The following BMF variants were observed in gnomAD, a reference collection of about 807,000 sequenced individuals.
The protein encoded by BMF is bcl-2-modifying factor.
BMF carries 10 observed loss-of-function variants against 22.0 expected under a neutral mutation model. The ratio of observed to expected loss-of-function variants is 0.45; its 90% CI spans 0.28 to 0.77. The LOEUF (loss-of-function observed/expected upper bound fraction) is 0.77, where lower values mean the gene tolerates loss of function less well. BMF is among the 30% of genes least tolerant of loss of function. The probability of loss-of-function intolerance (pLI) is 0.13; values close to 1 mark genes in which losing one functional copy is unlikely to be tolerated. For synonymous variants in BMF, 87 were observed against 88.1 expected (o/e 0.99, Z 0.07); for missense variants, 206 against 226.8 (o/e 0.91, Z 0.59).
At chr15:40,092,876 C>T (rs1404724723) in intron 4 of BMF, among the ~76,000 whole-genome samples, 1 of 152,152 alleles carries the variant, frequency 6.6e-6, no homozygotes, top group Non-Finnish European at 1.5e-5. Context: ...GGCCTCTCCA[C>T]AGGGTTCTCA....
chr15:40,101,301 G>T (rs928488975), intron 4 of BMF, among the ~76,000 whole-genome samples: 77 of 152,212 alleles, frequency 5.1e-4, no homozygotes, highest in Non-Finnish European at 8.8e-5. Context: ...TCTACTGTGT[G>T]TCCCAAACTC....
At position 40,104,590 on chromosome 15, in the gene BMF, C is replaced by G. The variant is rs993176928; in HGVS notation, c.293-250G>C. ...TCTCCATTCACTGACAGTGCCATGA[C>G]AAAGGGCAGGTGGTAACGTGTGCAG... On this transcript the variant is annotated intron_variant, in intron 3 of 4. Coordinates refer to ENST00000354670, the MANE Select transcript of BMF (RefSeq NM_001003940.2). Among the ~76,000 whole-genome samples, 10 of 152,194 alleles carry G rather than the reference C, an allele frequency of 6.6e-5. 1 individual carries two copies. The highest frequency in any genetic ancestry group is 6.5e-4 in the Admixed American group (10 of 15,278).
chr15:40,091,849 G>A lies in BMF; in HGVS notation c.493C>T (p.Leu165Phe), dbSNP rs781642966. The A allele has an allele frequency of 2.5e-6, 4 of 1,611,610 alleles. No individual in the cohort carries two copies. The highest frequency in any genetic ancestry group is 1.8e-4 in the Middle Eastern group (1 of 5,628). ...TTCAAAGCAAGGTTGTGCAGGAAGA[G>A]GAGGATCTGCCACCACACACGATTT... ...NQNRVWWQILLFLHNLALNGE... is the reference protein window; with the variant it reads ...NQNRVWWQILFFLHNLALNGE... The change falls in exon 5 of 5, where the codon CTC becomes TTC. Residue 165 changes from leucine to phenylalanine, a missense_variant. Coordinates refer to ENST00000354670, the MANE Select transcript of BMF (RefSeq NM_001003940.2).
intron 4 of BMF, among the ~76,000 whole-genome samples, chr15:40,102,720 G>A (rs2036505077): frequency 6.6e-6 from 1 of 152,220 alleles, no homozygotes; most frequent in South Asian, 2.1e-4. Flanking sequence ...TACCAGGACT[G>A]GAAGCTGTGA....
At chr15:40,104,135 A>G (rs2141047592) in intron 4 of BMF, 45 bp downstream of exon 4, 1 of 1,608,568 alleles carries the variant, frequency 6.2e-7, no homozygotes, top group Admixed American at 1.7e-5. Flanking sequence ...CTGGCCCCCA[A>G]GCCCCAGCAG....
chr15:40,097,277 G>A (rs1236022627), intron 4 of BMF, among the ~76,000 whole-genome samples: 1 of 151,810 alleles, frequency 6.6e-6, no homozygotes, highest in African/African-American at 2.4e-5. Flanking sequence ...GCACCCAACT[G>A]AGCTACCAAG....
chr15:40,100,189 C>T (rs1261831209), intron 4 of BMF, among the ~76,000 whole-genome samples: 2 of 152,212 alleles, frequency 1.3e-5, no homozygotes, highest in Non-Finnish European at 2.9e-5. Context: ...ACAGAAGACT[C>T]TCCCAAGGGG....
chr15:40,104,623 T>TGCCA (rs2036547125), intron 3 of BMF, among the ~76,000 whole-genome samples: 1 of 152,350 alleles, frequency 6.6e-6, no homozygotes, highest in East Asian at 1.9e-4. Context: ...CAGGCGAACA[T>TGCCA]GCCAGCCTTC....
At chr15:40,101,369 T>G (rs1452405109) in intron 4 of BMF, among the ~76,000 whole-genome samples, 1 of 152,190 alleles carries the variant, frequency 6.6e-6, no homozygotes, top group Non-Finnish European at 1.5e-5. Flanking sequence ...TAGCACTAAT[T>G]CATAGAAGAG....
chr15:40,106,151 A>T lies in BMF; in HGVS notation c.-5-60T>A. On this transcript the variant is annotated intron_variant, in intron 2 of 4. Transcript: ENST00000354670. This position sits in a 1 kb window ranked among gnomAD's most constrained non-coding sequence, Gnocchi z 4.1. ...CCCCACCAGGGCCATACCTGGAAGGACTCCCCTTCCCTTCTTCCTACCATA... is the reference window on the plus strand; with the variant it reads ...CCCCACCAGGGCCATACCTGGAAGGTCTCCCCTTCCCTTCTTCCTACCATA... 6.7e-7 allele frequency: 1 copy of T among 1,487,540 alleles called. No individual in the cohort carries two copies. The allele number at this position is 1,487,540 out of a possible 1,614,324, so 92.1% of individuals were successfully genotyped here.
intron 4 of BMF, among the ~76,000 whole-genome samples, chr15:40,100,822 G>C (rs2036460915): frequency 6.6e-6 from 1 of 152,138 alleles, no homozygotes; most frequent in South Asian, 2.1e-4. Flanking sequence ...CCCTCCCTCT[G>C]CTCCATACCT....
chr15:40,107,533 A>AGTGTGTGTGT (rs58296260), intron 2 of BMF, among the ~76,000 whole-genome samples: 1,763 of 137,482 alleles, frequency 0.013, 22 homozygotes, highest in Non-Finnish European at 0.018. Context: ...GTGTTTCCCA[A>AGTGTGTGTGT]GTGTGTGTGT....
intron 4 of BMF, among the ~76,000 whole-genome samples, chr15:40,095,226 C>A (rs1366751806): frequency 6.6e-6 from 1 of 152,148 alleles, no homozygotes; most frequent in African/African-American, 2.4e-5. Flanking sequence ...ATGAGGAAAC[C>A]AAGATAATCA....
At chr15:40,104,629 C>G (rs1272543578) in intron 3 of BMF, among the ~76,000 whole-genome samples, 3 of 152,188 alleles carry the variant, frequency 2.0e-5, no homozygotes, top group South Asian at 2.1e-4. Context: ...AACATGCCAG[C>G]CTTCCGTCCT....
intron 4 of BMF, among the ~76,000 whole-genome samples, chr15:40,093,603 C>A (rs138637215): frequency 2.0e-5 from 3 of 152,198 alleles, no homozygotes; most frequent in Non-Finnish European, 4.4e-5. Flanking sequence ...AGCTGCTGAC[C>A]GAGACAGGTG....
chr15:40,090,867 G>C lies in BMF; in HGVS notation c.*920C>G, dbSNP rs543601333. The C allele has an allele frequency of 3.9e-5, 6 of 152,294 alleles. No individual in the cohort carries two copies. The highest frequency in any genetic ancestry group is 8.8e-5 in the Non-Finnish European group (6 of 68,100). The allele number at this position is 152,294 out of a possible 1,614,324, so 9.4% of individuals were successfully genotyped here. On this transcript the variant is annotated 3_prime_UTR_variant, in exon 5 of 5. Transcript: ENST00000354670. Reference sequence around the variant, plus strand: ...CCGGCCCCACTGCAAACTTGCCCCCGATGTCCCTCAGTGCCGATGTTGGGG... The same window carrying C: ...CCGGCCCCACTGCAAACTTGCCCCCCATGTCCCTCAGTGCCGATGTTGGGG...
rs1301133871 is a variant in BMF at position 40,090,537 on chromosome 15, G to A, written c.*1250C>T. ...CTCCATAAGTGCCGCAGCAGGGAGA[G>A]AAGGGAAGACGTGCACAGGCAGCTG... On this transcript the variant is annotated 3_prime_UTR_variant, in exon 5 of 5. Transcript: ENST00000354670. 6.5e-6 allele frequency: 1 copy of A among 152,716 alleles called. No individual in the cohort carries two copies. The highest frequency in any genetic ancestry group is 1.5e-5 in the Non-Finnish European group (1 of 68,068). 9.5% of individuals were successfully genotyped at this position (152,716 alleles called of 1,614,324 possible). A position where few individuals can be genotyped will look rare whatever the true frequency, so the allele number is the denominator to read the frequency against.
At chr15:40,105,589 A>G (rs2036569240) in intron 3 of BMF, among the ~76,000 whole-genome samples, 1 of 152,230 alleles carries the variant, frequency 6.6e-6, no homozygotes, top group Non-Finnish European at 1.5e-5. Context: ...GGATCCCTCC[A>G]GGAGGGGACA....
rs1043164968 is a variant in BMF at position 40,090,495 on chromosome 15, C to T, written c.*1292G>A. The T allele has an allele frequency of 3.3e-5, 5 of 152,802 alleles. No homozygotes were observed. Among genetic ancestry groups the T allele is most frequent in the South Asian group, 2.1e-4 (1 of 4,828 alleles). 9.5% of individuals were successfully genotyped at this position (152,802 alleles called of 1,614,324 possible). ...GTGCCTGCTATCGGAGCTGCCACACCGGCTGCTTTAGATCCTCTCCATAAG... is the reference window on the plus strand; with the variant it reads ...GTGCCTGCTATCGGAGCTGCCACACTGGCTGCTTTAGATCCTCTCCATAAG... On this transcript the variant is annotated 3_prime_UTR_variant, in exon 5 of 5. Transcript: ENST00000354670.
Sources: allele counts gnomAD v4.1 joint callset (sites outside exome capture counted in the v4.1 genomes callset), GRCh38; gene constraint gnomAD v4.1.1; non-coding constraint Gnocchi (gnomAD v3.1); transcripts MANE v1.5; gene names NCBI Gene and HGNC (gene_info 2026-07-23, HGNC 2026-07-21).